The following FAT3 variants were observed in gnomAD, a reference collection of about 807,000 sequenced individuals.
FAT3 encodes FAT atypical cadherin 3.
In FAT3, 95 loss-of-function variants were observed where a neutral mutation model predicts 310.2. The ratio of observed to expected loss-of-function variants is 0.31; its 90% CI spans 0.26 to 0.36. The LOEUF is 0.36. Ranked by LOEUF, FAT3 falls within the 10% of genes least tolerant of loss-of-function variation. The pLI, the probability that FAT3 is intolerant of heterozygous loss-of-function variation, is 1.00. For missense variants in FAT3, 5,408 were observed against 5,715.6 expected, an observed-to-expected ratio of 0.95 and a Z score of 1.74; for synonymous variants, 2,314 against 2,192.9, an observed-to-expected ratio of 1.06 and a Z score of -1.54.
At chr11:92,431,003 TATAATCCTTTG>T (rs1320192503) in intron 2 of FAT3, among the ~76,000 whole-genome samples, 2 of 152,218 alleles carry the variant, frequency 1.3e-5, no homozygotes, top group Admixed American at 6.5e-5. Flanking sequence ...CAGCATGATT[TATAATCCTTTG>T]GGTATATACC....
At position 92,707,787 on chromosome 11, in the gene FAT3, C is replaced by T. The variant is rs1183686558; in HGVS notation, c.3669+10342C>T. Among the ~76,000 whole-genome samples, 3 of 152,302 alleles carry T rather than the reference C, an allele frequency of 2.0e-5. No individual in the cohort carries two copies. The South Asian group carries it at 6.2e-4, about 32-fold the overall frequency. ...TCTGTCCAGTCTAATTTTATCGAGG[C>T]CTTCAGAAACCACTGAAGCTCATGC... is the stretch of plus-strand genomic sequence containing the variant. On this transcript the variant is annotated intron_variant, in intron 4 of 27. Coordinates refer to ENST00000525166, the MANE Select transcript of FAT3 (RefSeq NM_001367949.2).
intron 2 of FAT3, among the ~76,000 whole-genome samples, chr11:92,423,615 C>A (rs1215096332): frequency 2.6e-5 from 4 of 152,088 alleles, no homozygotes; most frequent in Non-Finnish European, 4.4e-5. Flanking sequence ...AGTCAGGGTT[C>A]TCCAGAGAAT....
At chr11:92,465,491 G>A (rs1056725886) in intron 2 of FAT3, among the ~76,000 whole-genome samples, 7 of 152,006 alleles carry the variant, frequency 4.6e-5, no homozygotes, top group Admixed American at 2.0e-4. Flanking sequence ...TTTAATGATC[G>A]CCATTCTAAC....
At chr11:92,476,517 G>A (rs1399031829) in intron 2 of FAT3, among the ~76,000 whole-genome samples, 1 of 152,116 alleles carries the variant, frequency 6.6e-6, no homozygotes, top group African/African-American at 2.4e-5. Flanking sequence ...CATGCAGAAA[G>A]CACAAAATGA....
chr11:92,626,465 G>A (rs1439807154), intron 3 of FAT3, among the ~76,000 whole-genome samples: 8 of 150,020 alleles, frequency 5.3e-5, no homozygotes, highest in South Asian at 2.1e-4. Context: ...TTGGCGTAGC[G>A]TATCTCTTTT....
intron 1 of FAT3, among the ~76,000 whole-genome samples, chr11:92,266,962 C>A (rs1945974831): frequency 6.6e-6 from 1 of 152,234 alleles, no homozygotes; most frequent in South Asian, 2.1e-4. Context: ...CTGTGTGCTG[C>A]TCTGGGCTGA....
rs745874474 is a variant in FAT3 at position 92,880,719 on chromosome 11, C to G, written c.12128-12C>G. ...TGGCATCCATGGCTCATGAGGTCCT[C>G]TGTTTCCCCAGGCTATCAGTGTACC... On this transcript the variant is annotated splice_polypyrimidine_tract_variant and intron_variant, in intron 22 of 27. Coordinates refer to ENST00000525166, the MANE Select transcript of FAT3 (RefSeq NM_001367949.2). 35 of 1,610,262 alleles carry G rather than the reference C, an allele frequency of 2.2e-5. No homozygotes were observed. The highest frequency in any genetic ancestry group is 3.3e-4 in the Middle Eastern group (2 of 6,050).
At chr11:92,366,817 G>T in intron 2 of FAT3, 1 of 533,838 alleles carries the variant, frequency 1.9e-6, no homozygotes, top group South Asian at 1.4e-5. Context: ...GATCTTCAGT[G>T]AGGTCTGCAT....
intron 1 of FAT3, among the ~76,000 whole-genome samples, chr11:92,263,020 G>C (rs1007866093): frequency 6.0e-5 from 9 of 151,174 alleles, no homozygotes; most frequent in African/African-American, 1.9e-4. Context: ...TTACTTTGTA[G>C]CTGGATGCTA....
chr11:92,417,375 G>A (rs552318694), intron 2 of FAT3, among the ~76,000 whole-genome samples: 22 of 152,268 alleles, frequency 1.4e-4, no homozygotes, highest in African/African-American at 5.1e-4. Context: ...GCATTGCTGA[G>A]TTATGGGGAT....
At chr11:92,703,590 A>T (rs956264421) in intron 4 of FAT3, among the ~76,000 whole-genome samples, 5 of 152,224 alleles carry the variant, frequency 3.3e-5, no homozygotes, top group African/African-American at 1.2e-4. Context: ...ATGCCCTGTG[A>T]CACAGCTGCT....
chr11:92,876,604 C>G (rs1949541571), intron 22 of FAT3, among the ~76,000 whole-genome samples: 1 of 152,154 alleles, frequency 6.6e-6, no homozygotes, highest in Non-Finnish European at 1.5e-5. Context: ...CAGTCTCTTT[C>G]CCTCTGTGTT....
Position 92,515,900 on chromosome 11 carries a change from A to G in FAT3, c.3293-8734A>G, listed in dbSNP as rs564763164. On this transcript the variant is annotated intron_variant, in intron 2 of 27. Transcript: ENST00000525166. Reference sequence around the variant, plus strand: ...GATATGATCATCTATGTACAAAACTATGGAATTTATAAAAAATTGGTTAGA... The same window carrying G: ...GATATGATCATCTATGTACAAAACTGTGGAATTTATAAAAAATTGGTTAGA... Among the ~76,000 whole-genome samples the G allele has an allele frequency of 2.6e-4, 40 of 152,224 alleles. 1 individual carries two copies. In the South Asian group the frequency reaches 7.9e-3, roughly 30 times the overall value.
rs189348240 is a variant in FAT3 at position 92,638,916 on chromosome 11, G to A, written c.3608-58468G>A. On this transcript the variant is annotated intron_variant, in intron 3 of 27. Coordinates refer to ENST00000525166, the MANE Select transcript of FAT3 (RefSeq NM_001367949.2). ...TTCACTGATTGATTATTAACTTCTTGGAGCCCCTACTAATCTCATATAAGC... is the reference window on the plus strand; with the variant it reads ...TTCACTGATTGATTATTAACTTCTTAGAGCCCCTACTAATCTCATATAAGC... 2.6e-5 allele frequency among the ~76,000 whole-genome samples: 4 copies of A among 152,226 alleles called. No homozygotes were observed. In the East Asian group the frequency reaches 7.7e-4, roughly 29 times the overall value.
At chr11:92,786,118 A>G (rs1391760327) in intron 7 of FAT3, among the ~76,000 whole-genome samples, 2 of 152,172 alleles carry the variant, frequency 1.3e-5, no homozygotes, top group East Asian at 3.8e-4. Context: ...ATGGAGAGCC[A>G]TATGGAAAAT....
At chr11:92,374,097 C>T (rs1048526732) in intron 2 of FAT3, among the ~76,000 whole-genome samples, 3 of 151,584 alleles carry the variant, frequency 2.0e-5, no homozygotes, top group Admixed American at 1.3e-4. Flanking sequence ...ATCTGGGTCC[C>T]TCTCTAGGTG....
At chr11:92,438,250 A>G (rs1421301557) in intron 2 of FAT3, among the ~76,000 whole-genome samples, 4 of 152,224 alleles carry the variant, frequency 2.6e-5, no homozygotes, top group African/African-American at 7.2e-5. Flanking sequence ...TTATTTATCA[A>G]CATAGATCCT....
intron 3 of FAT3, among the ~76,000 whole-genome samples, chr11:92,649,876 TATA>T (rs1942308861): frequency 4.5e-5 from 1 of 22,132 alleles, no homozygotes; most frequent in Non-Finnish European, 1.1e-4. Flanking sequence ...TGTATGTTCA[TATA>T]TATATATATA....
At chr11:92,290,936 TA>T (rs1215542574) in intron 1 of FAT3, among the ~76,000 whole-genome samples, 1 of 152,106 alleles carries the variant, frequency 6.6e-6, no homozygotes, top group East Asian at 1.9e-4. Context: ...AGACTGGTGA[TA>T]TTTTAAATAC....
Sources: allele counts gnomAD v4.1 joint callset (sites outside exome capture counted in the v4.1 genomes callset), GRCh38; gene constraint gnomAD v4.1.1; transcripts MANE v1.5; gene names NCBI Gene and HGNC (gene_info 2026-07-23, HGNC 2026-07-21).